Variants in TBXAS1 observed in about 807,000 individuals in gnomAD.
TBXAS1 encodes thromboxane A synthase 1, also known as thromboxane-A synthase.
In TBXAS1, 48 loss-of-function variants were observed where a neutral mutation model predicts 60.7. The observed-to-expected ratio is 0.79, with a 90% CI of 0.63 to 1.01. TBXAS1 has a LOEUF of 1.01. Ranked by LOEUF, TBXAS1 falls within the 50% of genes least tolerant of loss-of-function variation. The pLI is 0.00. For missense variants in TBXAS1, 685 were observed against 686.3 expected (o/e 1.00, Z 0.02); for synonymous variants, 287 against 269.7 (o/e 1.06, Z -0.63).
intron 1 of TBXAS1, among the ~76,000 whole-genome samples, chr7:139,830,022 A>T (rs1217283283): frequency 6.6e-6 from 1 of 152,200 alleles, no homozygotes; most frequent in Non-Finnish European, 1.5e-5. Context: ...TCTGATGAAC[A>T]TAGTGTGTGC....
rs188450323 is a variant in TBXAS1, at chr7:139,811,962, C to T, written c.-79-17350C>T. On this transcript the variant is annotated intron_variant, in intron 4 of 16. Transcript: ENST00000336425. Reference sequence around the variant, plus strand: ...GCATGCCTGAAGCAGATGGTTGAGACATGGGAAGGATCATAAATCCGGGCC... The same window carrying T: ...GCATGCCTGAAGCAGATGGTTGAGATATGGGAAGGATCATAAATCCGGGCC... Among the ~76,000 whole-genome samples, 288 of 152,312 alleles carry T rather than the reference C, an allele frequency of 1.9e-3. 1 individual carries two copies. Among genetic ancestry groups the T allele is most frequent in the African/African-American group, 6.7e-3 (278 of 41,574 alleles).
At chr7:139,837,411 C>A (rs953854918) in intron 1 of TBXAS1, among the ~76,000 whole-genome samples, 2 of 152,186 alleles carry the variant, frequency 1.3e-5, no homozygotes, top group Non-Finnish European at 2.9e-5. Context: ...GGAACCAACC[C>A]AAATGCCCAT....
At chr7:139,875,258 A>G (rs553437437) in intron 2 of TBXAS1, among the ~76,000 whole-genome samples, 1 of 152,384 alleles carries the variant, frequency 6.6e-6, no homozygotes. Context: ...AGTGGCAGTA[A>G]AAAGGGCTAT....
intron 1 of TBXAS1, among the ~76,000 whole-genome samples, chr7:139,837,922 T>C (rs1281428996): frequency 6.6e-6 from 1 of 152,242 alleles, no homozygotes; most frequent in Non-Finnish European, 1.5e-5. Context: ...CCAGGTCTCC[T>C]ATCTCATTAC....
Position 140,015,618 on chromosome 7 carries a change from C to T in TBXAS1, c.1227-105C>T, listed in dbSNP as rs927934565. 2.3e-6 allele frequency: 3 copies of T among 1,326,274 alleles called. No individual in the cohort carries two copies. In the Admixed American group the frequency reaches 5.0e-5, roughly 22 times the overall value. 82.2% of individuals were successfully genotyped at this position (1,326,274 alleles called of 1,614,324 possible). ...AGCCTCATTCCACACACCATGCTGC[C>T]TGCCCCTGATCCCCTTCACACTCAG... is the stretch of plus-strand genomic sequence containing the variant. On this transcript the variant is annotated intron_variant, in intron 10 of 12. Coordinates refer to ENST00000448866, the MANE Select transcript of TBXAS1 (RefSeq NM_001061.7).
At chr7:139,919,184 GT>G (rs1458744922) in intron 4 of TBXAS1, among the ~76,000 whole-genome samples, 10 of 152,172 alleles carry the variant, frequency 6.6e-5, no homozygotes, top group Non-Finnish European at 1.5e-4. Context: ...TGAGGGGACA[GT>G]GCCAGGTCTT....
intron 3 of TBXAS1, among the ~76,000 whole-genome samples, chr7:139,888,995 A>G (rs138178117): frequency 3.1e-4 from 47 of 152,186 alleles, no homozygotes; most frequent in South Asian, 8.3e-4. Context: ...AGTGATTTAG[A>G]TTATCAGAAA....
chr7:139,911,231 T>C lies in TBXAS1; in HGVS notation c.243T>C (p.Tyr81=), dbSNP rs772585523. The change falls in exon 4 of 13, where the codon TAT becomes TAC. Residue 81 remains tyrosine (Y), a synonymous_variant. Coordinates refer to ENST00000448866, the MANE Select transcript of TBXAS1 (RefSeq NM_001061.7). ...RKLYGPLCGY[Y]LGRRMFIVIS... is the part of the protein sequence containing the mutation. ...CATTTTTTATTCCTCCCAGGTACTA[T>C]CTTGGTCGTCGGATGTTTATTGTTA... The C allele has an allele frequency of 2.5e-6, 4 of 1,614,050 alleles. No homozygotes were observed. In the African/African-American group the frequency reaches 4.0e-5, roughly 16 times the overall value.
chr7:140,007,501 G>A (rs186548695), intron 10 of TBXAS1, among the ~76,000 whole-genome samples: 10 of 152,036 alleles, frequency 6.6e-5, no homozygotes, highest in East Asian at 1.9e-4. Context: ...TCATTCATTC[G>A]TTCATTCATT....
At chr7:139,860,980 C>A (rs1213050439) in intron 1 of TBXAS1, among the ~76,000 whole-genome samples, 1 of 152,080 alleles carries the variant, frequency 6.6e-6, no homozygotes, top group Non-Finnish European at 1.5e-5. Flanking sequence ...TCGAGACCAG[C>A]CTGGTTAATA....
chr7:139,965,355 C>T (rs1437580812), intron 9 of TBXAS1, among the ~76,000 whole-genome samples: 3 of 152,146 alleles, frequency 2.0e-5, no homozygotes, highest in Admixed American at 1.3e-4. Context: ...AGGAAGACTG[C>T]TTAGAATGCA....
intron 4 of TBXAS1, among the ~76,000 whole-genome samples, chr7:139,799,413 T>C (rs1585522819): frequency 1.3e-5 from 2 of 152,074 alleles, no homozygotes; most frequent in South Asian, 2.1e-4. Context: ...TGTATTCTAG[T>C]AGAGATGGGG....
At chr7:139,868,333 T>A (rs17161192) in intron 1 of TBXAS1, among the ~76,000 whole-genome samples, 7,067 of 152,176 alleles carry the variant, frequency 0.046, 529 homozygotes, top group African/African-American at 0.16. Context: ...TTTTTAAAGT[T>A]ACAGCAAGAT....
intron 5 of TBXAS1, among the ~76,000 whole-genome samples, chr7:139,951,407 T>C (rs949012000): frequency 1.3e-5 from 2 of 151,442 alleles, no homozygotes; most frequent in Non-Finnish European, 2.9e-5. Flanking sequence ...CTGATAAAGA[T>C]GAGAGCAATA....
At position 139,831,660 on chromosome 7, in the gene TBXAS1, G is replaced by A. The variant is rs141418002; in HGVS notation, c.89+2181G>A. On this transcript the variant is annotated intron_variant, in intron 1 of 12. Transcript: ENST00000448866. ...AGGTGAAATCAAATGGGCTGGGCGC[G>A]GTGGCTCATGCCTATAATCCCAGCA... 2.0e-3 allele frequency among the ~76,000 whole-genome samples: 305 copies of A among 152,324 alleles called. 1 individual carries two copies. Among genetic ancestry groups the A allele is most frequent in the African/African-American group, 6.8e-3 (281 of 41,572 alleles).
intron 12 of TBXAS1, among the ~76,000 whole-genome samples, chr7:140,019,551 C>T (rs188421671): frequency 6.6e-6 from 1 of 152,176 alleles, no homozygotes; most frequent in Admixed American, 6.5e-5. Flanking sequence ...ACAGGAGACA[C>T]GTACAGCCCC....
intron 3 of TBXAS1, among the ~76,000 whole-genome samples, chr7:139,898,592 TG>T (rs1331642551): frequency 6.6e-6 from 1 of 152,060 alleles, no homozygotes; most frequent in African/African-American, 2.4e-5. Context: ...ATTACAGGCG[TG>T]AGCCACTACG....
At chr7:139,844,824 G>A (rs963939345) in intron 1 of TBXAS1, among the ~76,000 whole-genome samples, 3 of 152,204 alleles carry the variant, frequency 2.0e-5, no homozygotes, top group South Asian at 2.1e-4. Flanking sequence ...CTCAGGAGAA[G>A]TGTGGCATTG....
chr7:139,937,886 G>A (rs983372744), intron 5 of TBXAS1, among the ~76,000 whole-genome samples: 1 of 151,582 alleles, frequency 6.6e-6, no homozygotes, highest in Non-Finnish European at 1.5e-5. Flanking sequence ...GGAGGATGCA[G>A]GAAGGGGAAG....
Sources: gnomAD v4.1 joint callset for allele counts (sites outside exome capture counted in the v4.1 genomes callset) on GRCh38, gnomAD v4.1.1 for gene constraint, MANE v1.5 for transcripts, NCBI Gene and HGNC (gene_info 2026-07-23, HGNC 2026-07-21) for gene names.